The following CCDC88A variants were observed in gnomAD, a reference collection of about 807,000 sequenced individuals.
CCDC88A encodes coiled-coil and HOOK domain protein 88A, also known as girdin.
Under a neutral mutation model 234.3 loss-of-function variants are expected in CCDC88A, and 54 were observed. The ratio of observed to expected loss-of-function variants is 0.23; its 90% CI spans 0.19 to 0.29. The LOEUF (loss-of-function observed/expected upper bound fraction) is 0.29, where lower values mean the gene tolerates loss of function less well. Ranked by LOEUF, CCDC88A falls within the 10% of genes least tolerant of loss-of-function variation. The pLI, the probability that CCDC88A is intolerant of heterozygous loss-of-function variation, is 1.00. For missense variants in CCDC88A, 1,832 were observed against 2,123.4 expected (o/e 0.86, Z 2.70); for synonymous variants, 753 against 737.8 (o/e 1.02, Z -0.33).
At chr2:55,307,633 C>T (rs534917019) in intron 25 of CCDC88A, among the ~76,000 whole-genome samples, 1 of 151,922 alleles carries the variant, frequency 6.6e-6, no homozygotes, top group Admixed American at 6.6e-5. Flanking sequence ...GGATTACAGG[C>T]GTGAGCCACC....
intron 3 of CCDC88A, among the ~76,000 whole-genome samples, chr2:55,383,342 G>C (rs542349999): frequency 6.6e-6 from 1 of 151,966 alleles, no homozygotes; most frequent in East Asian, 1.9e-4. Context: ...AAAATGGCCC[G>C]GCACGGTGGC....
At chr2:55,353,649 C>CAAAAA (rs34022778) in intron 8 of CCDC88A, among the ~76,000 whole-genome samples, 56 of 76,932 alleles carry the variant, frequency 7.3e-4, no homozygotes, top group East Asian at 1.9e-3. Context: ...GAAACCAAAC[C>CAAAAA]AAAAAAAAAA....
intron 31 of CCDC88A, chr2:55,295,190 G>A (rs1355868392): frequency 2.3e-6 from 3 of 1,313,448 alleles, no homozygotes; most frequent in Non-Finnish European, 3.0e-6. Context: ...AAAACTGTAG[G>A]TTACTGTTAC....
chr2:55,401,861 T>G (rs886879610), intron 2 of CCDC88A, among the ~76,000 whole-genome samples: 1 of 152,084 alleles, frequency 6.6e-6, no homozygotes, highest in African/African-American at 2.4e-5. Flanking sequence ...GGGCATGATA[T>G]TCACTGATTT....
intron 2 of CCDC88A, among the ~76,000 whole-genome samples, chr2:55,402,725 A>C (rs74342214): frequency 1.4e-5 from 2 of 148,108 alleles, no homozygotes; most frequent in South Asian, 4.2e-4. Flanking sequence ...AAAAAAAAAA[A>C]CCGGCCAGGC....
chr2:55,304,725 C>T (rs755315125), intron 25 of CCDC88A, among the ~76,000 whole-genome samples: 5 of 152,024 alleles, frequency 3.3e-5, no homozygotes, highest in South Asian at 4.1e-4. Context: ...AAAATAAAAA[C>T]GTTCACTAGA....
chr2:55,340,682 A>G (rs545180465), intron 12 of CCDC88A, among the ~76,000 whole-genome samples: 6 of 152,342 alleles, frequency 3.9e-5, no homozygotes, highest in Non-Finnish European at 8.8e-5. Flanking sequence ...TATTTTGGCT[A>G]AAAGTTCAAA....
At chr2:55,396,000 A>T (rs1372057351) in intron 2 of CCDC88A, among the ~76,000 whole-genome samples, 1 of 152,222 alleles carries the variant, frequency 6.6e-6, no homozygotes, top group Admixed American at 6.5e-5. Context: ...AAACAGCAGC[A>T]TGATCAAGAA....
intron 19 of CCDC88A, among the ~76,000 whole-genome samples, chr2:55,318,196 T>C (rs943143594): frequency 4.6e-5 from 7 of 152,168 alleles, no homozygotes; most frequent in East Asian, 1.9e-4. Context: ...AATTTGGTGA[T>C]AGAAGTTGAT....
chr2:55,408,896 C>T (rs1680024339), intron 2 of CCDC88A, among the ~76,000 whole-genome samples: 1 of 152,130 alleles, frequency 6.6e-6, no homozygotes, highest in Non-Finnish European at 1.5e-5. Context: ...TTGCTTTCTT[C>T]CTCACTTTAA....
intron 2 of CCDC88A, among the ~76,000 whole-genome samples, chr2:55,397,828 T>C (rs1282002345): frequency 1.3e-5 from 2 of 152,182 alleles, no homozygotes; most frequent in Non-Finnish European, 2.9e-5. Context: ...TTTCAGAATT[T>C]AGAATTTTGG....
Position 55,290,220 on chromosome 2 carries a change from AT to A in CCDC88A, c.*979del, listed in dbSNP as rs1679350691. 1 of 152,546 alleles carries A rather than the reference AT, an allele frequency of 6.6e-6. No homozygotes were observed. The highest frequency in any genetic ancestry group is 2.4e-5 in the African/African-American group (1 of 41,448). 9.4% of individuals were successfully genotyped at this position (152,546 alleles called of 1,614,324 possible). A position where few individuals can be genotyped will look rare whatever the true frequency, so the allele number is the denominator to read the frequency against. On this transcript the variant is annotated 3_prime_UTR_variant, in exon 33 of 33. Coordinates refer to ENST00000436346, the MANE Select transcript of CCDC88A (RefSeq NM_001365480.1). ...ATGTAATATCATAAAGGAGAAAAAA[AT>A]CATTAATAAATGATAGCCTTAATTA...
intron 2 of CCDC88A, among the ~76,000 whole-genome samples, chr2:55,390,465 T>TA (rs138616680): frequency 3.9e-5 from 6 of 152,280 alleles, no homozygotes; most frequent in African/African-American, 1.4e-4. Context: ...TTCAACCACT[T>TA]ACGCTGAGAT....
Position 55,332,509 on chromosome 2 carries a change from T to C in CCDC88A, c.2855+57A>G. The C allele has an allele frequency of 1.9e-6, 3 of 1,566,066 alleles. No individual in the cohort carries two copies. Among genetic ancestry groups the C allele is most frequent in the Non-Finnish European group, 1.7e-6 (2 of 1,160,294 alleles). Reference sequence around the variant, plus strand: ...ATAGCTAGTACAGAAAGAATTCATGTATGAGCAAAAAAAAAAAAAAATTTT... The same window carrying C: ...ATAGCTAGTACAGAAAGAATTCATGCATGAGCAAAAAAAAAAAAAAATTTT... On this transcript the variant is annotated intron_variant, in intron 16 of 32. Transcript: ENST00000436346. The surrounding 1 kb of genome is among the most constrained non-coding windows in gnomAD (Gnocchi z 4.5).
chr2:55,343,820 G>A, intron 11 of CCDC88A, 28 bp from the exon 12 acceptor site: 5 of 1,540,984 alleles, frequency 3.2e-6, no homozygotes, highest in Non-Finnish European at 4.4e-6. Flanking sequence ...ATTAGGGAGA[G>A]AAAAAAGCTA....
In CCDC88A at chr2:55,388,840, C is replaced by T; in HGVS notation, c.211G>A (p.Asp71Asn). The change falls in exon 3 of 33, where the codon GAT becomes AAT. Residue 71 changes from aspartate to asparagine, a missense_variant. This residue lies in a region of CCDC88A where 84 missense variants were observed against 80.9 expected (regional missense o/e 1.04). Coordinates refer to ENST00000436346, the MANE Select transcript of CCDC88A (RefSeq NM_001365480.1). ...SQRVNKKVNNDASLRMHNLSI... is the reference protein window; with the variant it reads ...SQRVNKKVNNNASLRMHNLSI... ...AGATTGTGCATTCTAAGTGAGGCATCATTATTGACTTTTTTATTTACTCTC... is the reference window on the plus strand; with the variant it reads ...AGATTGTGCATTCTAAGTGAGGCATTATTATTGACTTTTTTATTTACTCTC... The T allele has an allele frequency of 6.5e-7, 1 of 1,540,268 alleles. No individual in the cohort carries two copies. Among genetic ancestry groups the T allele is most frequent in the Non-Finnish European group, 8.9e-7 (1 of 1,129,146 alleles).
chr2:55,356,263 T>TCCAGCTTCATCCATGTC (rs1670557409), intron 7 of CCDC88A: 2 of 152,428 alleles, frequency 1.3e-5, no homozygotes. Flanking sequence ...GCTTTTCTCT[T>TCCAGCTTCATCCATGTC]CCTGCATTAG....
chr2:55,395,308 T>A (rs969508414), intron 2 of CCDC88A, among the ~76,000 whole-genome samples: 2 of 152,232 alleles, frequency 1.3e-5, no homozygotes, highest in Non-Finnish European at 2.9e-5. Flanking sequence ...TCTACTCCCA[T>A]CTGATCCTTC....
intron 8 of CCDC88A, among the ~76,000 whole-genome samples, chr2:55,351,181 C>T (rs1047839264): frequency 1.3e-5 from 2 of 152,082 alleles, no homozygotes; most frequent in African/African-American, 4.8e-5. Context: ...CCCAAGAATT[C>T]CACCTCAGCC....
Sources: gnomAD v4.1 joint callset for allele counts (sites outside exome capture counted in the v4.1 genomes callset) on GRCh38, gnomAD v4.1.1 for gene constraint, gnomAD v4.1.1 regional missense constraint, Gnocchi (gnomAD v3.1) non-coding constraint, MANE v1.5 for transcripts, NCBI Gene and HGNC (gene_info 2026-07-23, HGNC 2026-07-21) for gene names.